PAK1IP1: variants seen among roughly 807,000 people sequenced by gnomAD.
PAK1IP1 encodes PAK1 interacting protein 1, also known as p21-activated protein kinase-interacting protein 1.
A neutral mutation model predicts 42.0 loss-of-function variants in PAK1IP1; 24 were observed. The observed-to-expected ratio is 0.57, with a 90% CI of 0.41 to 0.80. The LOEUF is 0.80. Among genes scored for constraint, PAK1IP1 ranks in the 30% least tolerant of loss-of-function variants. PAK1IP1 has a pLI of 0.00. For missense variants in PAK1IP1, 411 were observed against 467.9 expected (o/e 0.88, Z 1.12); for synonymous variants, 154 against 156.7 (o/e 0.98, Z 0.13).
At chr6:10,698,635 G>A (rs1180713127) in intron 2 of PAK1IP1, among the ~76,000 whole-genome samples, 1 of 152,208 alleles carries the variant, frequency 6.6e-6, no homozygotes, top group Non-Finnish European at 1.5e-5. Context: ...AATGAATGAT[G>A]TGGGCTTGAG....
At chr6:10,699,221 AAG>A (rs1463674363) in intron 2 of PAK1IP1, among the ~76,000 whole-genome samples, 11 of 151,408 alleles carry the variant, frequency 7.3e-5, no homozygotes, top group African/African-American at 2.7e-4. Context: ...AAAAAAAAAA[AAG>A]AGGAAAAGAA....
At chr6:10,707,246 T>G (rs572390008) in intron 7 of PAK1IP1, among the ~76,000 whole-genome samples, 169 bp from the exon 8 acceptor site, 2 of 152,372 alleles carry the variant, frequency 1.3e-5, no homozygotes, top group South Asian at 2.1e-4. Context: ...CCTGGATATA[T>G]CTCATTAATG....
At chr6:10,695,217 C>G (rs1320870103) in intron 1 of PAK1IP1, 148 bp downstream of exon 1, 2 of 589,306 alleles carry the variant, frequency 3.4e-6, no homozygotes, top group African/African-American at 3.7e-5. Context: ...GAAAAGCTAA[C>G]CTTTTAAACC....
chr6:10,694,038 T>A (rs1312887850), upstream of PAK1IP1, among the ~76,000 whole-genome samples: 3 of 152,216 alleles, frequency 2.0e-5, no homozygotes, highest in East Asian at 5.8e-4. Context: ...GGCAAGCGGA[T>A]CACCTGCGGT....
intron 5 of PAK1IP1, 100 bp downstream of exon 5, chr6:10,703,557 A>G: frequency 1.3e-6 from 1 of 772,546 alleles, no homozygotes. Context: ...TGGTGCCTCA[A>G]GTAGAAAATT....
upstream of PAK1IP1, among the ~76,000 whole-genome samples, chr6:10,691,408 T>C (rs1769290733): frequency 1.3e-5 from 2 of 151,928 alleles, no homozygotes; most frequent in African/African-American, 4.8e-5. Context: ...CGGGGGTACA[T>C]GACTGGGGGG....
chr6:10,691,625 G>A (rs1027498066), upstream of PAK1IP1, among the ~76,000 whole-genome samples: 2 of 151,916 alleles, frequency 1.3e-5, no homozygotes, highest in African/African-American at 2.4e-5. Flanking sequence ...GCAGAAATTG[G>A]GCATAAGACA....
chr6:10,695,813 C>T (rs572259899), intron 1 of PAK1IP1, among the ~76,000 whole-genome samples: 1 of 152,300 alleles, frequency 6.6e-6, no homozygotes, highest in African/African-American at 2.4e-5. Context: ...TTTATGAAGT[C>T]AAGGCGTCGG....
intron 6 of PAK1IP1, 31 bp from the exon 7 acceptor site, chr6:10,704,716 G>A (rs1195975210): frequency 6.3e-7 from 1 of 1,595,576 alleles, no homozygotes; most frequent in Admixed American, 1.7e-5. Context: ...ATGACATTCT[G>A]GATGTTATTA....
chr6:10,706,311 T>A (rs907966703), intron 7 of PAK1IP1, among the ~76,000 whole-genome samples: 2 of 152,020 alleles, frequency 1.3e-5, no homozygotes, highest in African/African-American at 4.8e-5. Context: ...ATAGAAGACC[T>A]GTGTGACTAG....
chr6:10,693,802 C>T (rs1352699709), upstream of PAK1IP1, among the ~76,000 whole-genome samples: 1 of 152,172 alleles, frequency 6.6e-6, no homozygotes, highest in Admixed American at 6.5e-5. Flanking sequence ...GATCTCGGCT[C>T]ACTGCAGCCT....
upstream of PAK1IP1, among the ~76,000 whole-genome samples, chr6:10,693,042 T>A (rs1769485917): frequency 6.6e-6 from 1 of 152,244 alleles, no homozygotes; most frequent in Non-Finnish European, 1.5e-5. Context: ...AAGACTAACT[T>A]ACTTCAAGCC....
rs376966572 is a variant in PAK1IP1, at chr6:10,709,220, C to T, written c.965-18C>T. ...GGAAAACAGTCTTTTTTTAAAAGCA[C>T]TCTCTTTTGTGTTTTAGTAAGTAAA... On this transcript the variant is annotated intron_variant, in intron 9 of 9. Transcript: ENST00000379568. The T allele has an allele frequency of 4.4e-6, 7 of 1,583,102 alleles. No homozygotes were observed. In the African/African-American group the frequency reaches 9.6e-5, roughly 22 times the overall value.
rs60304219 is a variant in PAK1IP1 at position 10,702,351 on chromosome 6, A to G, written c.248-18A>G. 1,667 of 1,605,158 alleles carry G rather than the reference A, an allele frequency of 1.0e-3. 19 individuals are homozygous for G. The African/African-American group carries it at 0.02, about 19-fold the overall frequency. On this transcript the variant is annotated intron_variant, in intron 2 of 9. Transcript: ENST00000379568. ...TTTAAAATGAATATTATTTTTGCCT[A>G]TTTTGGTTTTTCCATAGGTACAATA...
chr6:10,697,789 G>T (rs1379253726), intron 2 of PAK1IP1, among the ~76,000 whole-genome samples: 1 of 151,934 alleles, frequency 6.6e-6, no homozygotes, highest in Non-Finnish European at 1.5e-5. Flanking sequence ...TACTCGGGAG[G>T]CGGAGGCAGG....
At position 10,703,568 on chromosome 6, in the gene PAK1IP1, C is replaced by G. The variant is rs190102314; in HGVS notation, c.496+111C>G. 251 of 681,358 alleles carry G rather than the reference C, an allele frequency of 3.7e-4. 1 individual carries two copies. In the African/African-American group the frequency reaches 4.1e-3, roughly 11 times the overall value. The allele number at this position is 681,358 out of a possible 1,614,324, so 42.2% of individuals were successfully genotyped here. ...GATGTGGTGCCTCAAGTAGAAAATT[C>G]AACACCTTACCTCATGATGGGTCAC... On this transcript the variant is annotated intron_variant, in intron 5 of 9. Transcript: ENST00000379568.
intron 2 of PAK1IP1, among the ~76,000 whole-genome samples, chr6:10,698,596 T>C (rs1769930130): frequency 6.6e-6 from 1 of 151,866 alleles, no homozygotes; most frequent in Non-Finnish European, 1.5e-5. Flanking sequence ...AGAGACTGAA[T>C]TGGGAGGGAG....
chr6:10,703,360 AAGTT>A (rs751760210), intron 4 of PAK1IP1, 41 bp from the exon 5 acceptor site: 3 of 1,462,396 alleles, frequency 2.1e-6, no homozygotes, highest in African/African-American at 2.8e-5. Context: ...CGCTTAGTAA[AAGTT>A]AGTTGGTGAT....
At position 10,697,240 on chromosome 6, in the gene PAK1IP1, C is replaced by T. The variant is rs1415562628; in HGVS notation, c.85-84C>T. ...CTTTTCAGAAACAGATAAATGGTTCCGTGATTCATGAAAACTACCAGTGGA... is the reference window on the plus strand; with the variant it reads ...CTTTTCAGAAACAGATAAATGGTTCTGTGATTCATGAAAACTACCAGTGGA... On this transcript the variant is annotated intron_variant, in intron 1 of 9. Transcript: ENST00000379568. The T allele has an allele frequency of 3.6e-5, 40 of 1,108,754 alleles. 2 individuals carry two copies. The Admixed American group carries it at 7.7e-4, about 21-fold the overall frequency. The allele number at this position is 1,108,754 out of a possible 1,614,324, so 68.7% of individuals were successfully genotyped here. A position where few individuals can be genotyped will look rare whatever the true frequency, so the allele number is the denominator to read the frequency against.
Sources: gnomAD v4.1 joint callset for allele counts (sites outside exome capture counted in the v4.1 genomes callset) on GRCh38, gnomAD v4.1.1 for gene constraint, MANE v1.5 for transcripts, NCBI Gene and HGNC (gene_info 2026-07-23, HGNC 2026-07-21) for gene names.